The following PLEKHG7 variants were observed in gnomAD, a reference collection of about 807,000 sequenced individuals.
The protein encoded by PLEKHG7 is pleckstrin homology domain-containing family G member 7.
PLEKHG7 carries 77 observed loss-of-function variants against 85.2 expected under a neutral mutation model. The ratio of observed to expected loss-of-function variants is 0.90; its 90% CI spans 0.75 to 1.09. The LOEUF (loss-of-function observed/expected upper bound fraction) is 1.09. Ranked by LOEUF, PLEKHG7 falls within the 50% of genes least tolerant of loss-of-function variation. The pLI is 0.00. For synonymous variants in PLEKHG7, 301 were observed against 302.4 expected (o/e 1.00, Z 0.05); for missense variants, 777 against 804.3 (o/e 0.97, Z 0.41).
intron 5 of PLEKHG7, among the ~76,000 whole-genome samples, chr12:92,732,835 G>A (rs565477120): frequency 7.2e-5 from 11 of 152,250 alleles, no homozygotes; most frequent in South Asian, 2.1e-4. Flanking sequence ...CAGTCAAGCC[G>A]TTCCTTCTGG....
intron 4 of PLEKHG7, among the ~76,000 whole-genome samples, chr12:92,730,981 T>C (rs1048168431): frequency 6.6e-6 from 1 of 152,236 alleles, no homozygotes; most frequent in Non-Finnish European, 1.5e-5. Context: ...CGCTTTGCTG[T>C]GCATATGAGT....
At chr12:92,707,859 G>A in intron 3 of PLEKHG7, 187 bp downstream of exon 3, 1 of 946,304 alleles carries the variant, frequency 1.1e-6, no homozygotes, top group Non-Finnish European at 1.6e-6. Flanking sequence ...CCCTTTAAGA[G>A]CACAGCATTT....
intron 3 of PLEKHG7, among the ~76,000 whole-genome samples, chr12:92,714,944 C>G (rs1362631765): frequency 6.6e-6 from 1 of 152,168 alleles, no homozygotes; most frequent in Non-Finnish European, 1.5e-5. Flanking sequence ...ATCCTTAATA[C>G]TCTGTTCCTC....
At chr12:92,743,956 C>A (rs1464042944) in intron 9 of PLEKHG7, among the ~76,000 whole-genome samples, 1 of 152,168 alleles carries the variant, frequency 6.6e-6, no homozygotes, top group Non-Finnish European at 1.5e-5. Context: ...CTCTCTTTAC[C>A]TCCAAGTCCT....
At chr12:92,750,320 AT>A (rs1425247609) in intron 10 of PLEKHG7, among the ~76,000 whole-genome samples, 1 of 152,218 alleles carries the variant, frequency 6.6e-6, no homozygotes, top group Non-Finnish European at 1.5e-5. Context: ...AATGAAGTCA[AT>A]AGAGAGATGA....
At position 92,771,531 on chromosome 12, in the gene PLEKHG7, A is replaced by C. The variant is rs541789514; in HGVS notation, c.*1336A>C. The C allele has an allele frequency of 1.3e-5, 2 of 152,190 alleles. No individual in the cohort carries two copies. The highest frequency in any genetic ancestry group is 2.4e-5 in the African/African-American group (1 of 41,566). 9.4% of individuals were successfully genotyped at this position (152,190 alleles called of 1,614,324 possible). A position where few individuals can be genotyped will look rare whatever the true frequency, so the allele number is the denominator to read the frequency against. On this transcript the variant is annotated 3_prime_UTR_variant, in exon 17 of 17. Transcript: ENST00000344636. ...GGACAGTAACTATTGTTAATAGCTA[A>C]GAATAAATGAGGTGGAGGGGAGAAA...
intron 3 of PLEKHG7, among the ~76,000 whole-genome samples, chr12:92,709,625 G>C (rs1871331424): frequency 6.6e-6 from 1 of 152,190 alleles, no homozygotes; most frequent in African/African-American, 2.4e-5. Flanking sequence ...GGAGCCGGCA[G>C]ACATAAAGGC....
chr12:92,718,322 C>T (rs1435871742), intron 3 of PLEKHG7, among the ~76,000 whole-genome samples: 1 of 152,224 alleles, frequency 6.6e-6, no homozygotes, highest in Admixed American at 6.5e-5. Flanking sequence ...AGCATCAGCT[C>T]ATCTGTTAGG....
chr12:92,759,882 C>T lies in PLEKHG7; in HGVS notation c.1637-1870C>T, dbSNP rs773021450. ...GGCATATAGATTCAGCCACTGGAGA[C>T]GGACAGGTTAAAAAAGATAGTTTAT... On this transcript the variant is annotated intron_variant, in intron 13 of 16. Coordinates refer to ENST00000344636, the MANE Select transcript of PLEKHG7 (RefSeq NM_001377329.1). Among the ~76,000 whole-genome samples, 11 of 152,278 alleles carry T rather than the reference C, an allele frequency of 7.2e-5. No individual in the cohort carries two copies. The South Asian group carries it at 1.5e-3, about 20-fold the overall frequency.
intron 15 of PLEKHG7, among the ~76,000 whole-genome samples, chr12:92,764,769 GA>G (rs1873141646): frequency 6.6e-6 from 1 of 151,872 alleles, no homozygotes; most frequent in Admixed American, 6.6e-5. Context: ...TGAGACCCAG[GA>G]ACTCAGCAGG....
intron 7 of PLEKHG7, among the ~76,000 whole-genome samples, chr12:92,739,022 G>T (rs374486342): frequency 6.6e-6 from 1 of 152,168 alleles, no homozygotes; most frequent in South Asian, 2.1e-4. Context: ...AGAATTCAAG[G>T]CATGTTTGAT....
chr12:92,770,503 A>C lies in PLEKHG7; in HGVS notation c.*308A>C, dbSNP rs568189261. 2 of 266,560 alleles carry C rather than the reference A, an allele frequency of 7.5e-6. No individual in the cohort carries two copies. The highest frequency in any genetic ancestry group is 2.3e-4 in the East Asian group (2 of 8,744). 16.5% of individuals were successfully genotyped at this position (266,560 alleles called of 1,614,324 possible). On this transcript the variant is annotated 3_prime_UTR_variant, in exon 17 of 17. Coordinates refer to ENST00000344636, the MANE Select transcript of PLEKHG7 (RefSeq NM_001377329.1). ...TAATTTGTAAAGGGTGAATGATCAG[A>C]TAAATGGAGTATCAGAAGGAAAACA...
At chr12:92,711,854 A>C (rs1871373196) in intron 3 of PLEKHG7, among the ~76,000 whole-genome samples, 1 of 152,104 alleles carries the variant, frequency 6.6e-6, no homozygotes, top group Admixed American at 6.5e-5. Context: ...CCCCACTCAA[A>C]ACTGGCCACC....
intron 4 of PLEKHG7, among the ~76,000 whole-genome samples, chr12:92,731,142 G>A (rs1263639288): frequency 6.6e-6 from 1 of 152,314 alleles, no homozygotes; most frequent in Admixed American, 6.5e-5. Flanking sequence ...AAAAGCACAG[G>A]AGAGAAATTG....
rs115278906 is a variant in PLEKHG7 at position 92,754,118 on chromosome 12, G to A, written c.1280G>A (p.Arg427Gln). The change falls in exon 11 of 17, where the codon CGG (arginine) becomes CAG (glutamine). Residue 427 changes from arginine to glutamine, a missense_variant. Arg to Gln is a conservative substitution (Grantham distance 43). This residue lies in a region of PLEKHG7 where 520 missense variants were observed against 544.0 expected (regional missense o/e 0.96). Transcript: ENST00000344636. ...KWCEQNEQCR[R>Q]LHVPELLVAP... The stretch of plus-strand genomic sequence containing the variant: ...TGTGAGCAGAATGAACAATGCAGAC[G>A]GCTCCACGTGCCAGAGCTGCTAGTG... The A allele has an allele frequency of 8.7e-6, 14 of 1,613,872 alleles. No individual in the cohort carries two copies. In the East Asian group the frequency reaches 8.9e-5, roughly 10 times the overall value.
chr12:92,704,459 C>T (rs1871175244), intron 1 of PLEKHG7, among the ~76,000 whole-genome samples: 2 of 152,146 alleles, frequency 1.3e-5, no homozygotes, highest in African/African-American at 4.8e-5. Context: ...AATTACCAAT[C>T]TAAAACCAAA....
chr12:92,707,457 C>G, intron 2 of PLEKHG7, 193 bp from the exon 3 acceptor site: 1 of 1,440,512 alleles, frequency 6.9e-7, no homozygotes, highest in Non-Finnish European at 9.1e-7. Context: ...CAAATGCACA[C>G]TATTTAAAGA....
intron 3 of PLEKHG7, among the ~76,000 whole-genome samples, chr12:92,714,969 G>T (rs941475839): frequency 6.6e-6 from 1 of 152,032 alleles, no homozygotes; most frequent in African/African-American, 2.4e-5. Context: ...ACCACTCCTT[G>T]TACCAAAATC....
intron 5 of PLEKHG7, among the ~76,000 whole-genome samples, chr12:92,733,694 G>C (rs1872057942): frequency 6.6e-6 from 1 of 152,170 alleles, no homozygotes; most frequent in Admixed American, 6.6e-5. Context: ...CCTCCCGAGG[G>C]CTTATCTAGG....
Sources: allele counts gnomAD v4.1 joint callset (sites outside exome capture counted in the v4.1 genomes callset), GRCh38; gene constraint gnomAD v4.1.1; regional missense constraint gnomAD v4.1.1; transcripts MANE v1.5; gene names NCBI Gene and HGNC (gene_info 2026-07-23, HGNC 2026-07-21).